The following SYN2 variants were observed in gnomAD, a reference collection of about 807,000 sequenced individuals.
SYN2 encodes synapsin-2.
SYN2 carries 19 observed loss-of-function variants against 50.9 expected under a neutral mutation model. That is an observed-to-expected ratio of 0.37 (90% CI 0.26 to 0.55). The LOEUF (loss-of-function observed/expected upper bound fraction) is 0.55, where lower values mean the gene tolerates loss of function less well. Ranked by LOEUF, SYN2 falls within the 20% of genes least tolerant of loss-of-function variation. The pLI, the probability that SYN2 is intolerant of heterozygous loss-of-function variation, is 0.81. For synonymous variants in SYN2, 255 were observed against 224.9 expected (o/e 1.13, Z -1.20); for missense variants, 587 against 576.4 (o/e 1.02, Z -0.19).
intron 1 of SYN2, among the ~76,000 whole-genome samples, chr3:12,058,901 G>T (rs307599): frequency 1.3e-5 from 2 of 152,010 alleles, no homozygotes; most frequent in South Asian, 2.1e-4. Context: ...CAACTTCTAG[G>T]GATAGCACTT....
intron 1 of SYN2, among the ~76,000 whole-genome samples, chr3:12,053,419 TCAAAAAA>T (rs1157233065): frequency 2.0e-5 from 3 of 151,574 alleles, no homozygotes; most frequent in Non-Finnish European, 2.9e-5. Flanking sequence ...AGACTTTGTC[TCAAAAAA>T]CAAAAAACAA....
intron 4 of SYN2, among the ~76,000 whole-genome samples, chr3:12,150,637 G>A (rs1009388518): frequency 3.3e-5 from 5 of 152,142 alleles, no homozygotes; most frequent in Admixed American, 2.6e-4. Context: ...TCAGTCCCTC[G>A]TTAGGTAGTA....
intron 1 of SYN2, among the ~76,000 whole-genome samples, chr3:12,132,659 T>C (rs1696819890): frequency 6.6e-6 from 1 of 152,250 alleles, no homozygotes; most frequent in Admixed American, 6.5e-5. Flanking sequence ...ATTTCTACTT[T>C]CATCATGTCA....
chr3:12,072,946 C>A (rs574661373), intron 1 of SYN2, among the ~76,000 whole-genome samples: 1 of 151,848 alleles, frequency 6.6e-6, no homozygotes, highest in Admixed American at 6.6e-5. Context: ...AAGCTCTGTG[C>A]GTTTAAGTAG....
intron 10 of SYN2, among the ~76,000 whole-genome samples, chr3:12,180,896 T>G (rs1698205682): frequency 6.6e-6 from 1 of 152,146 alleles, no homozygotes; most frequent in South Asian, 2.1e-4. Context: ...GTGTCTGGAG[T>G]TCTACCATTA....
intron 1 of SYN2, among the ~76,000 whole-genome samples, chr3:12,044,181 T>TCTCTCTCTCTCACACACA (rs573246278): frequency 3.4e-3 from 183 of 53,370 alleles, no homozygotes; most frequent in African/African-American, 8.2e-3. Flanking sequence ...TCTCTCTCTC[T>TCTCTCTCTCTCACACACA]CACACACACA....
intron 1 of SYN2, among the ~76,000 whole-genome samples, chr3:12,102,970 A>G (rs546190457): frequency 2.6e-5 from 4 of 152,320 alleles, no homozygotes; most frequent in Non-Finnish European, 4.4e-5. Context: ...GAATTATATC[A>G]TAGTAATTAT....
chr3:12,076,859 C>T (rs1240981907), intron 1 of SYN2, among the ~76,000 whole-genome samples: 1 of 152,072 alleles, frequency 6.6e-6, no homozygotes, highest in East Asian at 1.9e-4. Context: ...AAGATTACAA[C>T]ATGTCAAATG....
chr3:12,066,842 G>T (rs558248809), intron 1 of SYN2, among the ~76,000 whole-genome samples: 26 of 150,546 alleles, frequency 1.7e-4, no homozygotes, highest in African/African-American at 5.9e-4. Flanking sequence ...TCACATGGCT[G>T]GGGGGGGCCT....
chr3:12,187,756 T>A, intron 12 of SYN2, 144 bp downstream of exon 12: 2 of 1,303,196 alleles, frequency 1.5e-6, no homozygotes, highest in Non-Finnish European at 2.0e-6. Flanking sequence ...TTTGTTAGTT[T>A]GTTTTTGGTT....
chr3:12,172,583 G>A (rs947776294), intron 10 of SYN2, among the ~76,000 whole-genome samples: 2 of 152,222 alleles, frequency 1.3e-5, no homozygotes, highest in Non-Finnish European at 2.9e-5. Context: ...TTTGATATGT[G>A]ACAATATGCA....
At chr3:12,056,802 T>A (rs1263975205) in intron 1 of SYN2, among the ~76,000 whole-genome samples, 1 of 152,200 alleles carries the variant, frequency 6.6e-6, no homozygotes, top group African/African-American at 2.4e-5. Context: ...CCAATGTCTC[T>A]CTAAACCTAG....
rs555133259 is a variant in SYN2 at position 12,126,261 on chromosome 3, A to G, written c.378-14390A>G. Among the ~76,000 whole-genome samples, 338 of 152,340 alleles carry G rather than the reference A, an allele frequency of 2.2e-3. 1 individual carries two copies. The highest frequency in any genetic ancestry group is 7.7e-3 in the African/African-American group (319 of 41,574). On this transcript the variant is annotated intron_variant, in intron 1 of 12. Transcript: ENST00000621198. ...AGAAGTCCCTCTCCTGGCCATTGGC[A>G]AACCAAGAAGCAAGGAACTGGCTTT...
intron 11 of SYN2, chr3:12,185,445 G>A (rs1698322188): frequency 1.0e-6 from 1 of 985,644 alleles, no homozygotes; most frequent in South Asian, 4.7e-5. Flanking sequence ...GGAGAAATTG[G>A]TTAGGGCTCC....
At chr3:12,101,230 C>T (rs1282400651) in intron 1 of SYN2, among the ~76,000 whole-genome samples, 1 of 152,000 alleles carries the variant, frequency 6.6e-6, no homozygotes, top group African/African-American at 2.4e-5. Flanking sequence ...TGGAACAAAC[C>T]CAAGTGTCCA....
Position 12,139,811 on chromosome 3 carries a change from C to A in SYN2, c.378-840C>A, listed in dbSNP as rs549636850. On this transcript the variant is annotated intron_variant, in intron 1 of 12. Coordinates refer to ENST00000621198, the MANE Select transcript of SYN2 (RefSeq NM_133625.6). ...GCCCTTTTGACAAATGGAGAACCAG[C>A]CTAAAAGGACAGATAAGGAAATCTA... Among the ~76,000 whole-genome samples the A allele has an allele frequency of 2.6e-5, 4 of 152,080 alleles. No individual in the cohort carries two copies. The East Asian group carries it at 7.7e-4, about 29-fold the overall frequency.
chr3:12,027,261 G>A (rs1467366979), intron 1 of SYN2, among the ~76,000 whole-genome samples: 4 of 152,226 alleles, frequency 2.6e-5, no homozygotes, highest in East Asian at 1.9e-4. Flanking sequence ...AATGCATTTC[G>A]TTTGTGGTAA....
intron 1 of SYN2, among the ~76,000 whole-genome samples, chr3:12,033,050 T>C (rs1467040622): frequency 6.8e-6 from 1 of 147,314 alleles, no homozygotes; most frequent in Non-Finnish European, 1.5e-5. Flanking sequence ...GATGTACAGA[T>C]GGGTTTTCGG....
At chr3:12,140,424 T>C (rs1177920974) in intron 1 of SYN2, among the ~76,000 whole-genome samples, 1 of 152,178 alleles carries the variant, frequency 6.6e-6, no homozygotes. Context: ...CAAAACCTGA[T>C]AATGAAGGGA....
Sources: gnomAD v4.1 joint callset for allele counts (sites outside exome capture counted in the v4.1 genomes callset) on GRCh38, gnomAD v4.1.1 for gene constraint, MANE v1.5 for transcripts, NCBI Gene and HGNC (gene_info 2026-07-23, HGNC 2026-07-21) for gene names.